The following PFKP variants were observed in gnomAD, a reference collection of about 807,000 sequenced individuals.
The protein encoded by PFKP is phosphofructokinase, platelet, also known as ATP-dependent 6-phosphofructokinase, platelet type.
A neutral mutation model predicts 94.3 loss-of-function variants in PFKP; 101 were observed. The observed-to-expected ratio is 1.07, with a 90% confidence interval of 0.91 to 1.26. PFKP has a LOEUF of 1.26. PFKP is among the 50% of genes most tolerant of loss of function. The pLI, the probability that PFKP is intolerant of heterozygous loss-of-function variation, is 0.00. For missense variants in PFKP, 1,145 were observed against 1,103.3 expected (o/e 1.04, Z -0.53); for synonymous variants, 573 against 432.6 (o/e 1.32, Z -4.03).
At chr10:3,118,408 C>T (rs1212653899) in intron 14 of PFKP, among the ~76,000 whole-genome samples, 3 of 152,062 alleles carry the variant, frequency 2.0e-5, no homozygotes, top group Non-Finnish European at 4.4e-5. Context: ...GCGGAGCTTG[C>T]AGTGAGCTGA....
intron 15 of PFKP, among the ~76,000 whole-genome samples, chr10:3,119,343 C>T (rs1282739992): frequency 7.2e-5 from 11 of 152,206 alleles, no homozygotes; most frequent in Non-Finnish European, 1.2e-4. Context: ...CGGTGGCTCA[C>T]GCCTGTAATC....
At chr10:3,088,779 G>T (rs142998636) in intron 2 of PFKP, among the ~76,000 whole-genome samples, 1 of 151,804 alleles carries the variant, frequency 6.6e-6, no homozygotes, top group Admixed American at 6.6e-5. Flanking sequence ...ATAGAGTTCA[G>T]AAATATAGTC....
chr10:3,090,703 A>G (rs1333738521), intron 2 of PFKP, among the ~76,000 whole-genome samples: 5 of 152,076 alleles, frequency 3.3e-5, no homozygotes, highest in Middle Eastern at 3.4e-3. Flanking sequence ...CACCTACCCC[A>G]TAGTCATGAC....
intron 3 of PFKP, among the ~76,000 whole-genome samples, chr10:3,100,177 TTTGG>T (rs1421798080): frequency 1.3e-5 from 2 of 151,854 alleles, no homozygotes; most frequent in Non-Finnish European, 2.9e-5. Context: ...ACCTCGTCTC[TTTGG>T]TTGGAGTTTC....
intron 16 of PFKP, among the ~76,000 whole-genome samples, chr10:3,120,692 C>G (rs1376444426): frequency 6.6e-6 from 1 of 152,102 alleles, no homozygotes; most frequent in Non-Finnish European, 1.5e-5. Context: ...CGGGGTCTTA[C>G]TCTGTCACCC....
rs187905811 is a variant in PFKP at position 3,070,628 on chromosome 10, A to G, written c.112+2921A>G. Among the ~76,000 whole-genome samples, 7 of 152,298 alleles carry G rather than the reference A, an allele frequency of 4.6e-5. No homozygotes were observed. In the East Asian group the frequency reaches 1.2e-3, roughly 25 times the overall value. ...AAGAGAGGCGTGTCCTCATTTTGGAAGTGGGGAGAAAGACTCAGAAAGAAA... is the reference window on the plus strand; with the variant it reads ...AAGAGAGGCGTGTCCTCATTTTGGAGGTGGGGAGAAAGACTCAGAAAGAAA... On this transcript the variant is annotated intron_variant, in intron 1 of 21. Transcript: ENST00000381125.
intron 17 of PFKP, among the ~76,000 whole-genome samples, chr10:3,132,037 C>A (rs917639199): frequency 6.6e-6 from 1 of 152,050 alleles, no homozygotes; most frequent in Non-Finnish European, 1.5e-5. Context: ...CTGAGAGCAC[C>A]GAGAACATCG....
chr10:3,086,295 G>A (rs1160395189), intron 2 of PFKP, among the ~76,000 whole-genome samples: 1 of 152,212 alleles, frequency 6.6e-6, no homozygotes, highest in Admixed American at 6.5e-5. Flanking sequence ...CACTCACAGG[G>A]ACTCTGGGTG....
At chr10:3,102,562 C>T (rs866377664) in intron 4 of PFKP, among the ~76,000 whole-genome samples, 3 of 152,070 alleles carry the variant, frequency 2.0e-5, no homozygotes, top group Non-Finnish European at 2.9e-5. Flanking sequence ...TACAGGCATG[C>T]GCCACCACAC....
intron 1 of PFKP, among the ~76,000 whole-genome samples, chr10:3,081,449 C>T (rs1049706708): frequency 1.2e-4 from 18 of 152,238 alleles, no homozygotes; most frequent in African/African-American, 4.1e-4. Context: ...CTTAACTTTG[C>T]AGAGGAGGAA....
chr10:3,093,114 G>A (rs935046955), intron 2 of PFKP, among the ~76,000 whole-genome samples: 1 of 152,212 alleles, frequency 6.6e-6, no homozygotes, highest in East Asian at 1.9e-4. Context: ...ATGTGTGGAA[G>A]GGGCTGGCCG....
chr10:3,089,729 G>A (rs926259690), intron 2 of PFKP, among the ~76,000 whole-genome samples: 2 of 149,850 alleles, frequency 1.3e-5, no homozygotes, highest in African/African-American at 2.4e-5. Context: ...TATACATTAT[G>A]TATAACATTA....
chr10:3,111,795 C>G lies in PFKP; in HGVS notation c.1090-427C>G, dbSNP rs111947651. Among the ~76,000 whole-genome samples, 1,286 of 152,266 alleles carry G rather than the reference C, an allele frequency of 8.4e-3. 17 individuals are homozygous for G. Among genetic ancestry groups the G allele is most frequent in the African/African-American group, 0.025 (1,050 of 41,564 alleles). ...TCCCCCGCCCGCTGTGACCTCGCTC[C>G]CATCCCACATCCCCCAGTGAGCTGG... On this transcript the variant is annotated intron_variant, in intron 10 of 21. Transcript: ENST00000381125.
rs771727717 is a variant in PFKP at position 3,119,880 on chromosome 10, C to T, written c.1531-12C>T. On this transcript the variant is annotated splice_polypyrimidine_tract_variant and intron_variant, in intron 15 of 21. Transcript: ENST00000381125. ...TCCCTCTCGCCCCACAACTCCCACG[C>T]TTGTCTGACAGGCCTACCTGGGACT... is the stretch of plus-strand genomic sequence containing the variant. 11 of 1,613,950 alleles carry T rather than the reference C, an allele frequency of 6.8e-6. No homozygotes were observed. Among genetic ancestry groups the T allele is most frequent in the Non-Finnish European group, 9.3e-6 (11 of 1,179,902 alleles).
chr10:3,126,489 G>A (rs1185178863), intron 16 of PFKP, among the ~76,000 whole-genome samples: 3 of 152,198 alleles, frequency 2.0e-5, no homozygotes, highest in East Asian at 1.9e-4. Flanking sequence ...CGCCCCACAC[G>A]CGACGCAGCC....
intron 2 of PFKP, among the ~76,000 whole-genome samples, chr10:3,083,197 C>T (rs1833223175): frequency 6.6e-6 from 1 of 152,168 alleles, no homozygotes; most frequent in Admixed American, 6.6e-5. Flanking sequence ...ATGAGGAAAA[C>T]AGCCACTTTG....
intron 16 of PFKP, among the ~76,000 whole-genome samples, chr10:3,124,014 A>G (rs1290450178): frequency 6.3e-5 from 4 of 63,660 alleles, no homozygotes; most frequent in African/African-American, 2.4e-4. Flanking sequence ...CACCCGCCCC[A>G]CCCTCCTATC....
intron 19 of PFKP, 81 bp downstream of exon 19, chr10:3,133,395 T>C (rs1838833008): frequency 2.3e-6 from 2 of 888,532 alleles, no homozygotes; most frequent in South Asian, 1.3e-5. Context: ...TTAGCCATTG[T>C]GGGGAAAAAT....
At chr10:3,071,439 T>TG (rs1379698865) in intron 1 of PFKP, among the ~76,000 whole-genome samples, 32 of 121,992 alleles carry the variant, frequency 2.6e-4, no homozygotes, top group South Asian at 1.4e-3. Context: ...TTTTTTTTTT[T>TG]TTTTTTTTTT....
Sources: allele counts gnomAD v4.1 joint callset (sites outside exome capture counted in the v4.1 genomes callset), GRCh38; gene constraint gnomAD v4.1.1; transcripts MANE v1.5; gene names NCBI Gene and HGNC (gene_info 2026-07-23, HGNC 2026-07-21).